The following PDE8B variants were observed in gnomAD, a reference collection of about 807,000 sequenced individuals.
The protein encoded by PDE8B is high affinity cAMP-specific and IBMX-insensitive 3',5'-cyclic phosphodiesterase 8B.
PDE8B carries 26 observed loss-of-function variants against 101.3 expected under a neutral mutation model. The observed-to-expected ratio is 0.26, with a 90% CI of 0.19 to 0.36. The LOEUF is 0.36. Ranked by LOEUF, PDE8B falls within the 10% of genes least tolerant of loss-of-function variation. The probability of loss-of-function intolerance (pLI) is 1.00; values close to 1 mark genes in which losing one functional copy is unlikely to be tolerated. For missense variants in PDE8B, 810 were observed against 1,163.1 expected, an observed-to-expected ratio of 0.70 and a Z score of 4.42; for synonymous variants, 424 against 429.3, an observed-to-expected ratio of 0.99 and a Z score of 0.15.
chr5:77,272,826 A>G (rs1763067349), intron 1 of PDE8B, among the ~76,000 whole-genome samples: 1 of 152,176 alleles, frequency 6.6e-6, no homozygotes, highest in South Asian at 2.1e-4. Flanking sequence ...GTCAACTAGG[A>G]GGTTTCTGTG....
At chr5:77,404,404 AG>A (rs942474391) in intron 11 of PDE8B, among the ~76,000 whole-genome samples, 4 of 152,206 alleles carry the variant, frequency 2.6e-5, no homozygotes, top group Non-Finnish European at 5.9e-5. Context: ...CTGGGATTAC[AG>A]GTGTGAGGCC....
At chr5:77,425,089 T>C (rs762855664) in intron 20 of PDE8B, among the ~76,000 whole-genome samples, 3 of 152,188 alleles carry the variant, frequency 2.0e-5, no homozygotes, top group South Asian at 2.1e-4. Flanking sequence ...GCTAAGGTGT[T>C]AGCAGTTTTA....
At chr5:77,160,418 G>C in the PDE8B span, among the ~76,000 whole-genome samples, 1 of 152,222 alleles carries the variant, frequency 6.6e-6, no homozygotes, top group Admixed American at 6.5e-5. Flanking sequence ...CATGAATACT[G>C]TATTTTCAAT....
In PDE8B at chr5:77,395,601, A is replaced by G. The variant is rs564537457; in HGVS notation, c.1168-4647A>G. ...TTTTGCCATTCCCTATGCTCTTGTT[A>G]ATTAGCCTAATGTTTTTATTAGCAT... On this transcript the variant is annotated intron_variant, in intron 10 of 21. Coordinates refer to ENST00000264917, the MANE Select transcript of PDE8B (RefSeq NM_003719.5). Among the ~76,000 whole-genome samples the G allele has an allele frequency of 6.2e-4, 94 of 151,992 alleles. 1 individual carries two copies. Among genetic ancestry groups the G allele is most frequent in the Admixed American group, 1.0e-3 (16 of 15,256 alleles).
intron 1 of PDE8B, among the ~76,000 whole-genome samples, chr5:77,302,885 C>G (rs1167397209): frequency 6.6e-6 from 1 of 152,110 alleles, no homozygotes; most frequent in East Asian, 1.9e-4. Flanking sequence ...AATTCATCAG[C>G]CCCTTTTGTC....
chr5:77,195,940 C>T, the PDE8B span, among the ~76,000 whole-genome samples: 1 of 152,138 alleles, frequency 6.6e-6, no homozygotes, highest in African/African-American at 2.4e-5. Context: ...AGTGGACCCA[C>T]AAAGTTGAAA....
At chr5:77,277,865 A>G (rs1202329102) in intron 1 of PDE8B, among the ~76,000 whole-genome samples, 1 of 152,234 alleles carries the variant, frequency 6.6e-6, no homozygotes, top group African/African-American at 2.4e-5. Flanking sequence ...GATTATTTTA[A>G]TCACTCTGGA....
rs746963810 is a variant in PDE8B at position 77,353,451 on chromosome 5, C to G, written c.1167+45C>G. 4 of 1,068,334 alleles carry G rather than the reference C, an allele frequency of 3.7e-6. No homozygotes were observed. The African/African-American group carries it at 6.2e-5, about 17-fold the overall frequency. 66.2% of individuals were successfully genotyped at this position (1,068,334 alleles called of 1,614,324 possible). On this transcript the variant is annotated intron_variant, in intron 10 of 21. Coordinates refer to ENST00000264917, the MANE Select transcript of PDE8B (RefSeq NM_003719.5). ...CGTTTGCTCTGTCTGTTTGGCCATG[C>G]GTCACCTCTGTTCTCTGCTTATCTC...
At chr5:77,405,243 G>A (rs902481923) in intron 12 of PDE8B, among the ~76,000 whole-genome samples, 14 of 152,236 alleles carry the variant, frequency 9.2e-5, no homozygotes, top group Non-Finnish European at 1.3e-4. Flanking sequence ...AAATGTTTCT[G>A]CCCTGCAAGG....
chr5:77,399,452 T>C (rs1043471646), intron 10 of PDE8B, among the ~76,000 whole-genome samples: 1 of 152,206 alleles, frequency 6.6e-6, no homozygotes, highest in African/African-American at 2.4e-5. Flanking sequence ...ACCTACCCCA[T>C]TCATTGAGTG....
At chr5:77,278,380 T>C (rs1038067848) in intron 1 of PDE8B, among the ~76,000 whole-genome samples, 2 of 152,250 alleles carry the variant, frequency 1.3e-5, no homozygotes, top group African/African-American at 4.8e-5. Flanking sequence ...TACTGTGTTC[T>C]CATGAGATGG....
intron 7 of PDE8B, among the ~76,000 whole-genome samples, chr5:77,347,140 G>A (rs1780295756): frequency 6.6e-6 from 1 of 152,002 alleles, no homozygotes; most frequent in Non-Finnish European, 1.5e-5. Context: ...ATATGTATTT[G>A]CTTTAAAACA....
intron 1 of PDE8B, among the ~76,000 whole-genome samples, chr5:77,218,359 T>C (rs1379210559): frequency 1.3e-5 from 2 of 152,196 alleles, no homozygotes; most frequent in Non-Finnish European, 2.9e-5. Flanking sequence ...ATTTTCACTT[T>C]AGAAAAGAGG....
intron 1 of PDE8B, among the ~76,000 whole-genome samples, chr5:77,301,691 C>A (rs1769977394): frequency 6.6e-6 from 1 of 152,184 alleles, no homozygotes; most frequent in African/African-American, 2.4e-5. Flanking sequence ...TTGACCATTG[C>A]CTTTAAATTC....
chr5:77,167,630 A>G, the PDE8B span, among the ~76,000 whole-genome samples: 4 of 152,164 alleles, frequency 2.6e-5, no homozygotes, highest in Non-Finnish European at 5.9e-5. Context: ...CCTTTCTCCT[A>G]TCCAGGAAGA....
At chr5:77,378,050 C>CCCACCCCCT (rs1786615073) in intron 10 of PDE8B, among the ~76,000 whole-genome samples, 1 of 110,188 alleles carries the variant, frequency 9.1e-6, no homozygotes, top group East Asian at 2.5e-4. Context: ...ACACACACAC[C>CCCACCCCCT]CCCTGTTGGT....
rs569545817 is a variant in PDE8B, at chr5:77,287,171, A to G, written c.340-24823A>G. Among the ~76,000 whole-genome samples, 248 of 151,398 alleles carry G rather than the reference A, an allele frequency of 1.6e-3. 2 individuals are homozygous for G. The highest frequency in any genetic ancestry group is 5.8e-3 in the African/African-American group (238 of 41,322). On this transcript the variant is annotated intron_variant, in intron 1 of 21. Transcript: ENST00000264917. ...TTTCTAAAGACCACCCTTTATTATT[A>G]TTTTTTTTAGTGCAATAGTTCTAGT...
intron 2 of PDE8B, among the ~76,000 whole-genome samples, chr5:77,321,575 G>A (rs1052691700): frequency 1.3e-5 from 2 of 152,146 alleles, no homozygotes; most frequent in Admixed American, 1.3e-4. Context: ...TGGGAACAAA[G>A]AGTCCAATTT....
At chr5:77,097,461 A>G in the PDE8B span, among the ~76,000 whole-genome samples, 1 of 151,616 alleles carries the variant, frequency 6.6e-6, no homozygotes, top group African/African-American at 2.4e-5. Flanking sequence ...AGTAGACACA[A>G]TATGGATTGA....
Sources: gnomAD v4.1 joint callset for allele counts (sites outside exome capture counted in the v4.1 genomes callset) on GRCh38, gnomAD v4.1.1 for gene constraint, MANE v1.5 for transcripts, NCBI Gene and HGNC (gene_info 2026-07-23, HGNC 2026-07-21) for gene names.